The following SPATA13 variants were observed in gnomAD, a reference collection of about 807,000 sequenced individuals.
The protein encoded by SPATA13 is spermatogenesis associated 13.
Under a neutral mutation model 104.0 loss-of-function variants are expected in SPATA13, and 50 were observed. The ratio of observed to expected loss-of-function variants is 0.48; its 90% CI spans 0.38 to 0.61. SPATA13 has a LOEUF of 0.61. SPATA13 is among the 20% of genes least tolerant of loss of function. The pLI is 0.00. For missense variants in SPATA13, 1,524 were observed against 1,690.6 expected (o/e 0.90, Z 1.73); for synonymous variants, 606 against 667.5 (o/e 0.91, Z 1.42).
At chr13:24,269,429 G>A (rs1458949069) in intron 4 of SPATA13, among the ~76,000 whole-genome samples, 20 of 152,124 alleles carry the variant, frequency 1.3e-4, no homozygotes, top group Admixed American at 1.3e-3. Flanking sequence ...ACAGGATCTA[G>A]CTCTGTAACT....
intron 3 of SPATA13, among the ~76,000 whole-genome samples, chr13:24,111,711 C>T (rs1389995126): frequency 1.3e-5 from 2 of 152,218 alleles, no homozygotes; most frequent in Admixed American, 6.5e-5. Context: ...CGGCCTGCGT[C>T]CATATTTTAA....
chr13:24,257,113 C>T (rs530876015), intron 4 of SPATA13, among the ~76,000 whole-genome samples: 150 of 152,296 alleles, frequency 9.8e-4, no homozygotes, highest in African/African-American at 3.5e-3. Flanking sequence ...TTATGTTGAT[C>T]AGAAGTCAAA....
intron 3 of SPATA13, among the ~76,000 whole-genome samples, chr13:24,027,440 CT>C (rs1274059555): frequency 6.6e-6 from 1 of 150,736 alleles, no homozygotes; most frequent in African/African-American, 2.4e-5. Flanking sequence ...GCTGCCTTTT[CT>C]TTTTTTTTCA....
At chr13:24,251,138 A>G (rs903158494) in intron 3 of SPATA13, among the ~76,000 whole-genome samples, 3 of 152,254 alleles carry the variant, frequency 2.0e-5, no homozygotes, top group Non-Finnish European at 2.9e-5. Flanking sequence ...GGGCAACTAC[A>G]TGGAAAACCA....
At chr13:24,103,732 A>C (rs1162934106) in intron 3 of SPATA13, among the ~76,000 whole-genome samples, 1 of 152,150 alleles carries the variant, frequency 6.6e-6, no homozygotes, top group Non-Finnish European at 1.5e-5. Flanking sequence ...TTCCAGTGGC[A>C]GGGAAAGAAG....
intron 3 of SPATA13, among the ~76,000 whole-genome samples, chr13:24,144,643 G>T (rs1485502085): frequency 6.6e-6 from 1 of 152,032 alleles, no homozygotes; most frequent in Non-Finnish European, 1.5e-5. Context: ...ACTCAGCTCC[G>T]TCCGGGTTGC....
At chr13:24,086,371 G>T (rs1159253125) in intron 3 of SPATA13, among the ~76,000 whole-genome samples, 2 of 152,104 alleles carry the variant, frequency 1.3e-5, no homozygotes, top group African/African-American at 4.8e-5. Flanking sequence ...TTTTGTGATC[G>T]CAGGGTCCTC....
chr13:24,083,858 G>A (rs990218712), intron 3 of SPATA13, among the ~76,000 whole-genome samples: 11 of 152,038 alleles, frequency 7.2e-5, no homozygotes, highest in Admixed American at 5.9e-4. Flanking sequence ...TTGTCACTGG[G>A]GGAAAAAACC....
chr13:24,005,680 T>C (rs1490895213), intron 2 of SPATA13, among the ~76,000 whole-genome samples: 1 of 152,156 alleles, frequency 6.6e-6, no homozygotes, highest in Non-Finnish European at 1.5e-5. Context: ...GAACAGCTGG[T>C]ATGTGTCATG....
At chr13:23,989,676 T>C (rs1267816294) in intron 2 of SPATA13, among the ~76,000 whole-genome samples, 1 of 152,212 alleles carries the variant, frequency 6.6e-6, no homozygotes, top group Non-Finnish European at 1.5e-5. Flanking sequence ...TCTACTCTTT[T>C]CTGTATTATT....
At chr13:24,021,901 T>C (rs1032399893) in intron 3 of SPATA13, among the ~76,000 whole-genome samples, 3 of 151,592 alleles carry the variant, frequency 2.0e-5, no homozygotes, top group Admixed American at 6.6e-5. Flanking sequence ...TTAGTAGAGA[T>C]GGGGTTTCAC....
At chr13:24,122,707 G>A (rs17458394) in intron 3 of SPATA13, 108,333 of 935,158 alleles carry the variant, frequency 0.12, 7,063 homozygotes, top group South Asian at 0.19. Context: ...ACATAATTAC[G>A]AAGGAGGAGC....
chr13:24,039,744 G>T (rs537792977), intron 3 of SPATA13, among the ~76,000 whole-genome samples: 1 of 152,168 alleles, frequency 6.6e-6, no homozygotes, highest in Non-Finnish European at 1.5e-5. Flanking sequence ...TGTGACTGGG[G>T]TTGGGGGAAT....
intron 1 of SPATA13, among the ~76,000 whole-genome samples, chr13:24,217,285 T>G (rs1466210857): frequency 1.3e-5 from 2 of 152,204 alleles, no homozygotes; most frequent in Non-Finnish European, 2.9e-5. Context: ...GGTAGCACAT[T>G]CATGGTTTTC....
intron 1 of SPATA13, among the ~76,000 whole-genome samples, chr13:24,196,554 G>A (rs1870067900): frequency 1.3e-5 from 2 of 152,116 alleles, no homozygotes; most frequent in South Asian, 4.1e-4. Context: ...GGGAAATATA[G>A]TGAGACCCTT....
intron 3 of SPATA13, among the ~76,000 whole-genome samples, chr13:24,076,887 C>G (rs906362788): frequency 1.3e-5 from 2 of 151,966 alleles, no homozygotes; most frequent in Non-Finnish European, 2.9e-5. Flanking sequence ...CTTGGATTCA[C>G]GGCCAGATGG....
At chr13:24,199,043 C>A (rs1870252188) in intron 1 of SPATA13, among the ~76,000 whole-genome samples, 1 of 151,334 alleles carries the variant, frequency 6.6e-6, no homozygotes, top group African/African-American at 2.4e-5. Context: ...CACACACCAC[C>A]ACTCTCAGCT....
At chr13:24,196,960 G>C (rs546490312) in intron 1 of SPATA13, among the ~76,000 whole-genome samples, 2 of 152,124 alleles carry the variant, frequency 1.3e-5, no homozygotes, top group Non-Finnish European at 2.9e-5. Flanking sequence ...AAGCTGCTGA[G>C]TACGGGGTGA....
At chr13:24,102,501 G>A (rs1291271379) in intron 3 of SPATA13, among the ~76,000 whole-genome samples, 1 of 136,988 alleles carries the variant, frequency 7.3e-6, no homozygotes, top group Non-Finnish European at 1.5e-5. Context: ...TTGAGATGGA[G>A]TCTCACTCTA....
Sources: allele counts gnomAD v4.1 joint callset (sites outside exome capture counted in the v4.1 genomes callset), GRCh38; gene constraint gnomAD v4.1.1; transcripts MANE v1.5; gene names NCBI Gene and HGNC (gene_info 2026-07-23, HGNC 2026-07-21).